PCDHA3: variants seen among roughly 807,000 people sequenced by gnomAD.
PCDHA3 encodes protocadherin alpha 3.
PCDHA3 carries 41 observed loss-of-function variants against 62.2 expected under a neutral mutation model. The observed-to-expected ratio is 0.66, with a 90% CI of 0.51 to 0.86. PCDHA3 has a LOEUF of 0.86. Among genes scored for constraint, PCDHA3 ranks in the 40% least tolerant of loss-of-function variants. The pLI is 0.00. For missense variants in PCDHA3, 1,304 were observed against 1,241.2 expected (o/e 1.05, Z -0.76); for synonymous variants, 640 against 555.4 (o/e 1.15, Z -2.14).
chr5:140,868,737 T>C (rs1479223301), intron 1 of PCDHA3: 1 of 203,404 alleles, frequency 4.9e-6, no homozygotes, highest in African/African-American at 2.3e-5. Context: ...AATCGAGAAA[T>C]ACAATGCCAT....
intron 1 of PCDHA3, chr5:140,829,601 T>C (rs2150171012): frequency 1.2e-5 from 20 of 1,611,826 alleles, no homozygotes; most frequent in Admixed American, 6.7e-5. Flanking sequence ...CGAGCGCGCG[T>C]TGTCGAGCTA....
intron 1 of PCDHA3, among the ~76,000 whole-genome samples, chr5:140,905,999 G>T (rs781796509): frequency 1.3e-5 from 2 of 152,140 alleles, no homozygotes; most frequent in Non-Finnish European, 2.9e-5. Flanking sequence ...AGGCTGGGAG[G>T]CTAAGCCAGT....
chr5:140,884,423 AC>A, intron 1 of PCDHA3: 3 of 1,613,932 alleles, frequency 1.9e-6, no homozygotes, highest in Non-Finnish European at 2.5e-6. Flanking sequence ...GCTGCTGTAT[AC>A]TGCGCTGCGG....
chr5:140,918,429 G>A (rs2078693094), intron 1 of PCDHA3, among the ~76,000 whole-genome samples: 1 of 152,164 alleles, frequency 6.6e-6, no homozygotes, highest in Non-Finnish European at 1.5e-5. Flanking sequence ...GTAGGATGTT[G>A]AATAGGAGTG....
intron 1 of PCDHA3, chr5:140,927,771 G>C: frequency 6.2e-7 from 1 of 1,614,210 alleles, no homozygotes; most frequent in Non-Finnish European, 8.5e-7. Flanking sequence ...GTGGGGAGGT[G>C]CAAGTAGCTG....
chr5:140,893,781 G>C (rs113070458), intron 1 of PCDHA3, among the ~76,000 whole-genome samples: 1 of 151,996 alleles, frequency 6.6e-6, no homozygotes, highest in Non-Finnish European at 1.5e-5. Context: ...TTCTTTTACC[G>C]TTTTTAGAAT....
intron 1 of PCDHA3, among the ~76,000 whole-genome samples, chr5:140,944,030 A>G (rs1272534224): frequency 1.3e-5 from 2 of 152,214 alleles, no homozygotes; most frequent in East Asian, 1.9e-4. Context: ...TCTTCAAAAT[A>G]TGGAAAACCA....
rs2150480213 is a variant in PCDHA3, at chr5:140,850,340, G to C, written c.2394+46749G>C. 0.013 allele frequency: 21,012 copies of C among 1,597,592 alleles called. 2,634 individuals are homozygous for C. The African/African-American group carries it at 0.2, about 15-fold the overall frequency. Reference sequence around the variant, plus strand: ...TTTCATACGAGCTGCAGCCAGAAACGGCCAGCGCGAGCATCCCGTTCCGCG... The same window carrying C: ...TTTCATACGAGCTGCAGCCAGAAACCGCCAGCGCGAGCATCCCGTTCCGCG... On this transcript the variant is annotated intron_variant, in intron 1 of 3. Coordinates refer to ENST00000522353, the MANE Select transcript of PCDHA3 (RefSeq NM_018906.3).
intron 1 of PCDHA3, among the ~76,000 whole-genome samples, chr5:140,904,556 T>A (rs1360933277): frequency 5.3e-5 from 8 of 151,780 alleles, no homozygotes; most frequent in Admixed American, 5.3e-4. Context: ...ATATAATGAC[T>A]TTTTTTTCCT....
At chr5:140,988,226 G>C (rs1375369387) in intron 3 of PCDHA3, among the ~76,000 whole-genome samples, 2 of 152,154 alleles carry the variant, frequency 1.3e-5, no homozygotes, top group Non-Finnish European at 2.9e-5. Context: ...TGAGATCAGG[G>C]ATCTATGTGA....
chr5:140,873,739 C>A (rs571863406), intron 1 of PCDHA3, among the ~76,000 whole-genome samples: 1 of 152,294 alleles, frequency 6.6e-6, no homozygotes, highest in African/African-American at 2.4e-5. Flanking sequence ...CAGCTCACTG[C>A]AATCTCCACC....
intron 1 of PCDHA3, chr5:140,869,512 G>A (rs782635875): frequency 1.9e-6 from 3 of 1,614,072 alleles, no homozygotes; most frequent in Admixed American, 3.3e-5. Flanking sequence ...CTCGCTCAGA[G>A]AACAAAAGCT....
chr5:140,978,506 C>T (rs914101151), intron 1 of PCDHA3, among the ~76,000 whole-genome samples: 22 of 152,244 alleles, frequency 1.4e-4, no homozygotes, highest in African/African-American at 4.1e-4. Context: ...GATTGCAGTC[C>T]TCTGCAGTCC....
At chr5:140,838,691 T>G (rs1554137147) in intron 1 of PCDHA3, among the ~76,000 whole-genome samples, 2 of 151,996 alleles carry the variant, frequency 1.3e-5, no homozygotes, top group African/African-American at 4.8e-5. Context: ...ACCCCAACAT[T>G]TCGGGAGGCC....
chr5:140,883,850 C>G (rs369951260), intron 1 of PCDHA3: 31 of 1,612,792 alleles, frequency 1.9e-5, no homozygotes, highest in African/African-American at 4.0e-5. Flanking sequence ...CCACGAGGAG[C>G]TGGAGCTGTT....
At chr5:140,982,202 G>A (rs2096970508) in intron 2 of PCDHA3, 2 of 405,606 alleles carry the variant, frequency 4.9e-6, no homozygotes, top group Non-Finnish European at 8.1e-6. Context: ...GTTAGATTTA[G>A]TGAGCGCCAC....
chr5:140,967,332 C>T (rs1269679357), intron 1 of PCDHA3: 2 of 1,607,906 alleles, frequency 1.2e-6, no homozygotes, highest in Non-Finnish European at 1.7e-6. Context: ...GAGCTCAGCC[C>T]CAGCGAGCAC....
At position 140,802,235 on chromosome 5, in the gene PCDHA3, T is replaced by C; in HGVS notation, c.1038T>C (p.Asn346=). 6.2e-7 allele frequency: 1 copy of C among 1,614,220 alleles called. No individual in the cohort carries two copies. Among genetic ancestry groups the C allele is most frequent in the Non-Finnish European group, 8.5e-7 (1 of 1,180,040 alleles). ...VLLEIVDIND[N]VPELVIQSLS... The stretch of plus-strand genomic sequence containing the variant: ...TCGAAATTGTGGACATCAATGATAA[T>C]GTACCTGAGTTAGTTATTCAATCAC... The change falls in exon 1 of 4, where the codon AAT becomes AAC. Residue 346 remains asparagine (N), a synonymous_variant. Coordinates refer to ENST00000522353, the MANE Select transcript of PCDHA3 (RefSeq NM_018906.3).
rs140711682 is a variant in PCDHA3, at chr5:140,849,699, A to T, written c.2394+46108A>T. On this transcript the variant is annotated intron_variant, in intron 1 of 3. Coordinates refer to ENST00000522353, the MANE Select transcript of PCDHA3 (RefSeq NM_018906.3). ...CCCCTTCAAGCTGGTGTCCACCTACAAGAATTACTACTCGTTGGTGCTGGA... is the reference window on the plus strand; with the variant it reads ...CCCCTTCAAGCTGGTGTCCACCTACTAGAATTACTACTCGTTGGTGCTGGA... 57 of 1,598,608 alleles carry T rather than the reference A, an allele frequency of 3.6e-5. 2 individuals carry two copies. The African/African-American group carries it at 7.7e-4, about 21-fold the overall frequency.
Sources: gnomAD v4.1 joint callset for allele counts (sites outside exome capture counted in the v4.1 genomes callset) on GRCh38, gnomAD v4.1.1 for gene constraint, MANE v1.5 for transcripts, NCBI Gene and HGNC (gene_info 2026-07-23, HGNC 2026-07-21) for gene names.